Variants in KDM1B observed in about 807,000 individuals in gnomAD.
The protein encoded by KDM1B is lysine demethylase 1B, also known as lysine-specific histone demethylase 2.
In KDM1B, 63 loss-of-function variants were observed where a neutral mutation model predicts 107.4. The observed-to-expected ratio is 0.59, with a 90% CI of 0.48 to 0.72. The LOEUF is 0.72. Ranked by LOEUF, KDM1B falls within the 30% of genes least tolerant of loss-of-function variation. KDM1B has a pLI of 0.00. For missense variants in KDM1B, 749 were observed against 1,020.8 expected (o/e 0.73, Z 3.63); for synonymous variants, 363 against 363.9 (o/e 1.00, Z 0.03).
chr6:18,201,413 A>AT lies in KDM1B; in HGVS notation c.1360-69dup, dbSNP rs1367053866. On this transcript the variant is annotated intron_variant, in intron 13 of 21. Coordinates refer to ENST00000650836, the MANE Select transcript of KDM1B (RefSeq NM_001364614.2). The surrounding 1 kb of genome is among the most constrained non-coding windows in gnomAD (Gnocchi z 4.3). ...ATTTTCTCCATGAGAGCTCTGTCTG[A>AT]TTTTCAGCTTAGAACCTGTAAATAT... is the stretch of plus-strand genomic sequence containing the variant. The AT allele has an allele frequency of 8.9e-7, 1 of 1,128,500 alleles. No individual in the cohort carries two copies. Among genetic ancestry groups the AT allele is most frequent in the East Asian group, 2.6e-5 (1 of 38,708 alleles). 69.9% of individuals were successfully genotyped at this position (1,128,500 alleles called of 1,614,324 possible). A position where few individuals can be genotyped will look rare whatever the true frequency, so the allele number is the denominator to read the frequency against.
chr6:18,159,927 A>C lies in KDM1B; in HGVS notation c.32A>C (p.Lys11Thr), dbSNP rs746436157. 6.2e-7 allele frequency: 1 copy of C among 1,610,896 alleles called. No individual in the cohort carries two copies. The highest frequency in any genetic ancestry group is 2.2e-5 in the East Asian group (1 of 44,848). The part of the protein sequence containing the change: MATPRGRTKK[K>T]ASFDHSPDSL... ...ACTCCACGGGGGAGGACAAAGAAAA[A>C]AGCATCTTTTGATCATTCTCCGGAT... Residue 11 changes from lysine (K) to threonine (T), a missense_variant, in exon 3 of 22, where the codon AAA becomes ACA. Lys to Thr is a moderately conservative substitution (Grantham distance 78). Coordinates refer to ENST00000650836, the MANE Select transcript of KDM1B (RefSeq NM_001364614.2). This position sits in a 1 kb window ranked among gnomAD's most constrained non-coding sequence, Gnocchi z 4.5.
In KDM1B at chr6:18,213,994, C is replaced by T. The variant is rs1302890097; in HGVS notation, c.2109+213C>T. 6.6e-6 allele frequency among the ~76,000 whole-genome samples: 1 copy of T among 152,090 alleles called. No homozygotes were observed. Among genetic ancestry groups the T allele is most frequent in the Non-Finnish European group, 1.5e-5 (1 of 68,024 alleles). On this transcript the variant is annotated intron_variant, in intron 19 of 21. Coordinates refer to ENST00000650836, the MANE Select transcript of KDM1B (RefSeq NM_001364614.2). The surrounding 1 kb of genome is among the most constrained non-coding windows in gnomAD (Gnocchi z 5.9). ...TCTTCTTAAAGTCCTCATGTTGCTC[C>T]CTGGGACATGAATTGGATGCTTGTG...
chr6:18,176,319 T>A (rs992994655), intron 7 of KDM1B, among the ~76,000 whole-genome samples: 5 of 152,192 alleles, frequency 3.3e-5, no homozygotes, highest in Non-Finnish European at 5.9e-5. Flanking sequence ...CTGGAAACTT[T>A]GCTAACTTCT....
chr6:18,202,465 C>T (rs557470654), intron 14 of KDM1B, among the ~76,000 whole-genome samples: 2 of 152,198 alleles, frequency 1.3e-5, no homozygotes, highest in East Asian at 3.9e-4. Context: ...ATATTAGCCA[C>T]AACTATTTAG....
chr6:18,221,546 G>A (rs1211884783), intron 21 of KDM1B, among the ~76,000 whole-genome samples: 1 of 152,174 alleles, frequency 6.6e-6, no homozygotes, highest in African/African-American at 2.4e-5. Context: ...AAGTCCATCT[G>A]TGGCTTGGCT....
In KDM1B at chr6:18,211,154, A is replaced by G. The variant is rs969227648; in HGVS notation, c.1867-1334A>G. On this transcript the variant is annotated intron_variant, in intron 17 of 21. Coordinates refer to ENST00000650836, the MANE Select transcript of KDM1B (RefSeq NM_001364614.2). This position sits in a 1 kb window ranked among gnomAD's most constrained non-coding sequence, Gnocchi z 5.2. ...TTCTTGATGATAGAGAGCATATTTT[A>G]TACTTTATAAAAATATTTTCATGTG... 2.3e-4 allele frequency among the ~76,000 whole-genome samples: 35 copies of G among 152,182 alleles called. No individual in the cohort carries two copies. Among genetic ancestry groups the G allele is most frequent in the Admixed American group, 2.2e-3 (34 of 15,286 alleles).
intron 21 of KDM1B, among the ~76,000 whole-genome samples, chr6:18,221,132 C>T (rs1387675844): frequency 1.3e-5 from 2 of 152,096 alleles, no homozygotes. Context: ...AATCACTCCC[C>T]CATTCATTGA....
chr6:18,186,599 C>T lies in KDM1B; in HGVS notation c.573+789C>T, dbSNP rs1453649876. Among the ~76,000 whole-genome samples, 2 of 152,104 alleles carry T rather than the reference C, an allele frequency of 1.3e-5. No individual in the cohort carries two copies. The highest frequency in any genetic ancestry group is 4.8e-5 in the African/African-American group (2 of 41,400). On this transcript the variant is annotated intron_variant, in intron 8 of 21. Transcript: ENST00000650836. The surrounding 1 kb of genome is among the most constrained non-coding windows in gnomAD (Gnocchi z 5.6). ...TTGCATGTGTATTAGTCCGTTCTCA[C>T]GCTGCTTGCTATAAAGAACTGCCTG...
chr6:18,199,662 C>T (rs1391076099), intron 12 of KDM1B, among the ~76,000 whole-genome samples: 1 of 151,030 alleles, frequency 6.6e-6, no homozygotes, highest in African/African-American at 2.4e-5. Context: ...CCTCATTAGG[C>T]CAAGCCCATG....
chr6:18,175,132 C>T (rs1016998834), intron 7 of KDM1B, among the ~76,000 whole-genome samples: 2 of 152,212 alleles, frequency 1.3e-5, no homozygotes, highest in Admixed American at 6.6e-5. Context: ...CTGTTCACTG[C>T]ATCCGCACCA....
At chr6:18,218,004 A>T (rs1419822926) in intron 21 of KDM1B, 119 bp downstream of exon 21, 1 of 1,036,268 alleles carries the variant, frequency 9.7e-7, no homozygotes, top group Non-Finnish European at 1.4e-6. Flanking sequence ...TTATGACCAC[A>T]GACAGCAGAA....
At position 18,212,652 on chromosome 6, in the gene KDM1B, T is replaced by C. The variant is rs745823398; in HGVS notation, c.1983+48T>C. The C allele has an allele frequency of 3.0e-5, 35 of 1,168,972 alleles. No individual in the cohort carries two copies. In the East Asian group the frequency reaches 3.7e-4, roughly 12 times the overall value. The allele number at this position is 1,168,972 out of a possible 1,614,324, so 72.4% of individuals were successfully genotyped here. On this transcript the variant is annotated intron_variant, in intron 18 of 21. Transcript: ENST00000650836. The surrounding 1 kb of genome is among the most constrained non-coding windows in gnomAD (Gnocchi z 5.2). ...CAGCAAGAAAGAGATTAATGTCAGA[T>C]GATAGATGTTAACTTCTGATATGGA...
chr6:18,201,338 G>T lies in KDM1B; in HGVS notation c.1360-148G>T, dbSNP rs961346032. 3 of 605,842 alleles carry T rather than the reference G, an allele frequency of 5.0e-6. No homozygotes were observed. Among genetic ancestry groups the T allele is most frequent in the African/African-American group, 3.7e-5 (2 of 53,892 alleles). The allele number at this position is 605,842 out of a possible 1,614,324, so 37.5% of individuals were successfully genotyped here. A position where few individuals can be genotyped will look rare whatever the true frequency, so the allele number is the denominator to read the frequency against. On this transcript the variant is annotated intron_variant, in intron 13 of 21. Coordinates refer to ENST00000650836, the MANE Select transcript of KDM1B (RefSeq NM_001364614.2). This position sits in a 1 kb window ranked among gnomAD's most constrained non-coding sequence, Gnocchi z 4.3. Reference sequence around the variant, plus strand: ...TTTTTTTTCACTGCCTGACTTTGCTGCCATTCCCCGTGAAGCATATTTAGC... The same window carrying T: ...TTTTTTTTCACTGCCTGACTTTGCTTCCATTCCCCGTGAAGCATATTTAGC...
At position 18,212,833 on chromosome 6, in the gene KDM1B, T is replaced by A. The variant is rs1788949750; in HGVS notation, c.1983+229T>A. 6.6e-6 allele frequency among the ~76,000 whole-genome samples: 1 copy of A among 152,244 alleles called. No homozygotes were observed. The highest frequency in any genetic ancestry group is 1.5e-5 in the Non-Finnish European group (1 of 68,040). On this transcript the variant is annotated intron_variant, in intron 18 of 21. Transcript: ENST00000650836. This position sits in a 1 kb window ranked among gnomAD's most constrained non-coding sequence, Gnocchi z 5.2. ...TTGACTTTAGGAGAAAGAATCTTGT[T>A]ATTCACAATTTGAATTTGGTATAAG...
chr6:18,221,735 T>C (rs1235836279), intron 21 of KDM1B, among the ~76,000 whole-genome samples, 174 bp from the exon 22 acceptor site: 2 of 152,216 alleles, frequency 1.3e-5, no homozygotes, highest in Admixed American at 6.5e-5. Flanking sequence ...AATTTGACAA[T>C]GCATGGCCAG....
chr6:18,174,070 C>T (rs1370164156), intron 7 of KDM1B, among the ~76,000 whole-genome samples: 1 of 152,204 alleles, frequency 6.6e-6, no homozygotes, highest in Admixed American at 6.5e-5. Context: ...AGGCGTGAGC[C>T]ACTGCGCCCG....
chr6:18,206,306 A>G (rs1465532310), intron 15 of KDM1B, among the ~76,000 whole-genome samples: 2 of 152,052 alleles, frequency 1.3e-5, no homozygotes, highest in Admixed American at 1.3e-4. Flanking sequence ...GTTTGAGCCC[A>G]GGAGTTCAAG....
intron 7 of KDM1B, among the ~76,000 whole-genome samples, chr6:18,182,428 A>G (rs570031360): frequency 6.6e-6 from 1 of 152,344 alleles, no homozygotes; most frequent in Admixed American, 6.5e-5. Context: ...ATGAAAAAGA[A>G]CAATTGACAA....
chr6:18,172,112 C>A lies in KDM1B; in HGVS notation c.534+633C>A, dbSNP rs77936374. ...CGACTGAGGATGTTGCAACACTAAA[C>A]AAAGCCGGATCCTATTAGTGAGGAA... On this transcript the variant is annotated intron_variant, in intron 7 of 21. Coordinates refer to ENST00000650836, the MANE Select transcript of KDM1B (RefSeq NM_001364614.2). The surrounding 1 kb of genome is among the most constrained non-coding windows in gnomAD (Gnocchi z 5.2). Among the ~76,000 whole-genome samples, 1 of 152,144 alleles carries A rather than the reference C, an allele frequency of 6.6e-6. No individual in the cohort carries two copies. The highest frequency in any genetic ancestry group is 2.4e-5 in the African/African-American group (1 of 41,438).
Sources: gnomAD v4.1 joint callset for allele counts (sites outside exome capture counted in the v4.1 genomes callset) on GRCh38, gnomAD v4.1.1 for gene constraint, Gnocchi (gnomAD v3.1) non-coding constraint, MANE v1.5 for transcripts, NCBI Gene and HGNC (gene_info 2026-07-23, HGNC 2026-07-21) for gene names.